The following KDM4C variants were observed in gnomAD, a reference collection of about 807,000 sequenced individuals.
KDM4C encodes lysine-specific demethylase 4C.
Under a neutral mutation model 129.3 loss-of-function variants are expected in KDM4C, and 81 were observed. The observed-to-expected ratio is 0.63, with a 90% confidence interval of 0.52 to 0.75. The LOEUF is 0.75. Among genes scored for constraint, KDM4C ranks in the 30% least tolerant of loss-of-function variants. The probability of loss-of-function intolerance (pLI) is 0.00; values close to 1 mark genes in which losing one functional copy is unlikely to be tolerated. For synonymous variants in KDM4C, 573 were observed against 456.1 expected, an observed-to-expected ratio of 1.26 and a Z score of -3.26; for missense variants, 1,457 against 1,304.0, an observed-to-expected ratio of 1.12 and a Z score of -1.81.
At chr9:6,725,808 C>G (rs1486172741) in intron 1 of KDM4C, among the ~76,000 whole-genome samples, 1 of 150,332 alleles carries the variant, frequency 6.7e-6, no homozygotes, top group African/African-American at 2.5e-5. Flanking sequence ...CTCCGTGGTT[C>G]AAGCAATTCC....
chr9:7,078,922 A>C (rs943144732), intron 17 of KDM4C, among the ~76,000 whole-genome samples: 1 of 152,192 alleles, frequency 6.6e-6, no homozygotes, highest in African/African-American at 2.4e-5. Context: ...AAAGGATACA[A>C]AGCAAAGTTT....
At chr9:7,173,702 G>A (rs767595565) in intron 21 of KDM4C, among the ~76,000 whole-genome samples, 14 of 152,198 alleles carry the variant, frequency 9.2e-5, no homozygotes, top group Non-Finnish European at 1.8e-4. Context: ...ATGTAACTGG[G>A]TGCATGGGCA....
chr9:7,120,822 T>C (rs1234449026), intron 18 of KDM4C, among the ~76,000 whole-genome samples: 1 of 152,202 alleles, frequency 6.6e-6, no homozygotes, highest in Non-Finnish European at 1.5e-5. Flanking sequence ...TGGTGTTTTC[T>C]TCCTAACTCA....
intron 1 of KDM4C, among the ~76,000 whole-genome samples, chr9:6,721,503 C>G (rs1242721985): frequency 2.0e-5 from 3 of 151,438 alleles, no homozygotes; most frequent in Non-Finnish European, 4.4e-5. Context: ...AGGCTGGTCT[C>G]AAACTCCTGG....
intron 15 of KDM4C, among the ~76,000 whole-genome samples, chr9:7,020,070 G>A (rs944802555): frequency 6.6e-6 from 1 of 151,984 alleles, no homozygotes; most frequent in African/African-American, 2.4e-5. Flanking sequence ...CTAAAGATTA[G>A]CTTCAGACGT....
chr9:6,792,271 A>C (rs1344398074), intron 1 of KDM4C, among the ~76,000 whole-genome samples: 1 of 151,770 alleles, frequency 6.6e-6, no homozygotes, highest in African/African-American at 2.4e-5. Flanking sequence ...TGAACCTGGG[A>C]GGTGGAGGTT....
chr9:6,994,253 C>CG (rs1332749990), intron 12 of KDM4C, among the ~76,000 whole-genome samples: 1 of 152,156 alleles, frequency 6.6e-6, no homozygotes, highest in African/African-American at 2.4e-5. Flanking sequence ...AGGCCACGGA[C>CG]TGGTACTATT....
In KDM4C at chr9:6,963,396, C is replaced by T. The variant is rs76204583; in HGVS notation, c.922-17529C>T. 4.7e-4 allele frequency among the ~76,000 whole-genome samples: 72 copies of T among 152,296 alleles called. 2 individuals are homozygous for T. The East Asian group carries it at 0.013, about 29-fold the overall frequency. Reference sequence around the variant, plus strand: ...GATGCAGGATAAGCACAATCTTTGTCCTCTTACAGGAAGCCCAGAGGCTGA... The same window carrying T: ...GATGCAGGATAAGCACAATCTTTGTTCTCTTACAGGAAGCCCAGAGGCTGA... On this transcript the variant is annotated intron_variant, in intron 8 of 21. Transcript: ENST00000381309.
At chr9:6,902,606 C>G (rs1464009552) in intron 8 of KDM4C, 1 of 151,990 alleles carries the variant, frequency 6.6e-6, no homozygotes, top group African/African-American at 2.4e-5. Flanking sequence ...GCACCATGTC[C>G]CTCTCCCCAA....
At chr9:6,885,164 C>T (rs545505143) in intron 6 of KDM4C, among the ~76,000 whole-genome samples, 1 of 152,318 alleles carries the variant, frequency 6.6e-6, no homozygotes, top group African/African-American at 2.4e-5. Flanking sequence ...AGTTCCCTCA[C>T]ACCTCTTTGT....
In KDM4C at chr9:7,170,827, T is replaced by C. The variant is rs1041482989; in HGVS notation, c.2994+937T>C. The C allele has an allele frequency of 2.3e-5, 22 of 942,030 alleles. No homozygotes were observed. The African/African-American group carries it at 3.8e-4, about 16-fold the overall frequency. The allele number at this position is 942,030 out of a possible 1,614,324, so 58.4% of individuals were successfully genotyped here. ...CAAGGGTTTTCTTAAATCAGGGATG[T>C]CCAATCTTTTTGCATCCCTGGGCCA... is the stretch of plus-strand genomic sequence containing the variant. On this transcript the variant is annotated intron_variant, in intron 21 of 21. Coordinates refer to ENST00000381309, the MANE Select transcript of KDM4C (RefSeq NM_015061.6).
chr9:7,074,411 C>A lies in KDM4C; in HGVS notation c.2424+25211C>A, dbSNP rs113094139. On this transcript the variant is annotated intron_variant, in intron 17 of 21. Transcript: ENST00000381309. ...CGAACTCCTGACCTCAAATGATCCA[C>A]CCACCTTGGTCTGCCAAAGTCCTGG... Among the ~76,000 whole-genome samples, 1,351 of 152,232 alleles carry A rather than the reference C, an allele frequency of 8.9e-3. 18 individuals are homozygous for A. Among genetic ancestry groups the A allele is most frequent in the African/African-American group, 0.03 (1,266 of 41,542 alleles).
chr9:6,791,680 G>A (rs149247413), intron 1 of KDM4C, among the ~76,000 whole-genome samples: 2 of 152,310 alleles, frequency 1.3e-5, no homozygotes, highest in East Asian at 3.9e-4. Flanking sequence ...GTCTGTTTCA[G>A]AACTGGTATA....
rs112810375 is a variant in KDM4C, at chr9:6,832,358, A to C, written c.436-17149A>C. On this transcript the variant is annotated intron_variant, in intron 4 of 21. Transcript: ENST00000381309. Reference sequence around the variant, plus strand: ...CCGTCTCAAAAAAAAAAAAAGTTGAATTTGTCAAGGGGCTTAATAGTCTAG... The same window carrying C: ...CCGTCTCAAAAAAAAAAAAAGTTGACTTTGTCAAGGGGCTTAATAGTCTAG... 7.4e-3 allele frequency among the ~76,000 whole-genome samples: 1,114 copies of C among 150,700 alleles called. 17 individuals carry two copies. The highest frequency in any genetic ancestry group is 0.025 in the African/African-American group (1,025 of 41,038).
intron 15 of KDM4C, among the ~76,000 whole-genome samples, chr9:7,038,357 C>A (rs781069835): frequency 2.0e-5 from 3 of 151,974 alleles, no homozygotes; most frequent in Non-Finnish European, 1.5e-5. Context: ...CCTTTCAGCT[C>A]TTTTCTATGT....
rs572589361 is a variant in KDM4C, at chr9:7,136,027, G to T, written c.2781+7791G>T. Among the ~76,000 whole-genome samples the T allele has an allele frequency of 3.6e-3, 550 of 152,320 alleles. 1 individual carries two copies. Among genetic ancestry groups the T allele is most frequent in the Admixed American group, 6.4e-3 (98 of 15,298 alleles). ...GGAGGTTATTGACAGTAAATTCGGG[G>T]AATGAAGCAATTGTGATGGGCCAGA... On this transcript the variant is annotated intron_variant, in intron 19 of 21. Coordinates refer to ENST00000381309, the MANE Select transcript of KDM4C (RefSeq NM_015061.6).
intron 5 of KDM4C, among the ~76,000 whole-genome samples, chr9:6,858,776 C>CG (rs1319362141): frequency 6.8e-6 from 1 of 146,418 alleles, no homozygotes; most frequent in African/African-American, 2.6e-5. Context: ...TCTCCCCCCC[C>CG]GGCAAAAAAA....
chr9:6,749,887 G>A lies in KDM4C; in HGVS notation c.49+28890G>A, dbSNP rs550808985. ...TGTAATCGCAGCTACTTGGGAGGCC[G>A]AGGCACAAGAATCACTTGAACCAGG... On this transcript the variant is annotated intron_variant, in intron 1 of 17. Coordinates refer to the KDM4C transcript ENST00000536108. 1.3e-4 allele frequency among the ~76,000 whole-genome samples: 19 copies of A among 149,778 alleles called. 1 individual carries two copies. Among genetic ancestry groups the A allele is most frequent in the Admixed American group, 1.0e-3 (15 of 14,772 alleles).
intron 4 of KDM4C, among the ~76,000 whole-genome samples, chr9:6,819,817 T>C (rs1350121710): frequency 2.0e-5 from 3 of 152,246 alleles, no homozygotes; most frequent in South Asian, 2.1e-4. Flanking sequence ...TGGATTGTTT[T>C]GCTGTTGACT....
Sources: allele counts gnomAD v4.1 joint callset (sites outside exome capture counted in the v4.1 genomes callset), GRCh38; gene constraint gnomAD v4.1.1; transcripts MANE v1.5; gene names NCBI Gene and HGNC (gene_info 2026-07-23, HGNC 2026-07-21).